MAML3: variants seen among roughly 807,000 people sequenced by gnomAD.
MAML3 encodes the protein mastermind like transcriptional coactivator 3.
MAML3 carries 27 observed loss-of-function variants against 101.9 expected under a neutral mutation model. That is an observed-to-expected ratio of 0.27 (90% CI 0.20 to 0.37). The LOEUF (loss-of-function observed/expected upper bound fraction) is 0.37. Among genes scored for constraint, MAML3 ranks in the 10% least tolerant of loss-of-function variants. The pLI is 1.00. For synonymous variants in MAML3, 501 were observed against 555.9 expected, an observed-to-expected ratio of 0.90 and a Z score of 1.39; for missense variants, 1,316 against 1,444.9, an observed-to-expected ratio of 0.91 and a Z score of 1.45.
chr4:139,987,768 C>G (rs1482675694), intron 1 of MAML3, among the ~76,000 whole-genome samples: 1 of 152,022 alleles, frequency 6.6e-6, no homozygotes, highest in Non-Finnish European at 1.5e-5. Flanking sequence ...ACCTGTAATC[C>G]CAGCACTTTG....
intron 2 of MAML3, among the ~76,000 whole-genome samples, chr4:139,732,095 G>A (rs550228687): frequency 9.2e-5 from 14 of 152,172 alleles, no homozygotes; most frequent in Admixed American, 4.6e-4. Flanking sequence ...ACTATTATGA[G>A]ACCTAAATAG....
intron 1 of MAML3, among the ~76,000 whole-genome samples, chr4:140,031,361 A>C (rs187344354): frequency 9.1e-4 from 138 of 152,330 alleles, no homozygotes; most frequent in African/African-American, 3.2e-3. Flanking sequence ...TTATTATAGA[A>C]AGAATAAATA....
intron 1 of MAML3, among the ~76,000 whole-genome samples, chr4:139,966,331 G>T (rs746108187): frequency 6.6e-6 from 1 of 151,974 alleles, no homozygotes; most frequent in African/African-American, 2.4e-5. Context: ...TGATGAACAC[G>T]TTAGGTTTTA....
At chr4:140,118,594 C>T (rs4527435) in intron 1 of MAML3, among the ~76,000 whole-genome samples, 60,487 of 151,856 alleles carry the variant, frequency 0.4, 12,359 homozygotes, top group East Asian at 0.57. Flanking sequence ...CCTGTAATCC[C>T]AGCACTTTGG....
intron 2 of MAML3, among the ~76,000 whole-genome samples, chr4:139,850,451 T>C (rs1274902544): frequency 1.3e-5 from 2 of 152,212 alleles, no homozygotes; most frequent in Non-Finnish European, 2.9e-5. Context: ...ATAAATTAGA[T>C]GGTTTTGTCC....
intron 1 of MAML3, among the ~76,000 whole-genome samples, chr4:140,130,919 T>C (rs772891420): frequency 1.3e-5 from 2 of 152,006 alleles, no homozygotes; most frequent in Non-Finnish European, 2.9e-5. Flanking sequence ...TGCCACGTCA[T>C]GTATAAGGTG....
intron 1 of MAML3, among the ~76,000 whole-genome samples, chr4:139,917,105 A>C (rs1343125593): frequency 6.6e-6 from 1 of 152,164 alleles, no homozygotes; most frequent in Non-Finnish European, 1.5e-5. Context: ...AGAAGGTCCA[A>C]AGCTTTTCTC....
At chr4:140,073,099 T>C (rs1313140777) in intron 1 of MAML3, among the ~76,000 whole-genome samples, 1 of 151,886 alleles carries the variant, frequency 6.6e-6, no homozygotes, top group Non-Finnish European at 1.5e-5. Context: ...TCAACAAATC[T>C]GCAACCATCT....
intron 1 of MAML3, among the ~76,000 whole-genome samples, chr4:140,139,931 G>A (rs1459428712): frequency 6.6e-6 from 1 of 152,174 alleles, no homozygotes; most frequent in Non-Finnish European, 1.5e-5. Context: ...AAATAAGATG[G>A]CACTCCTCAG....
intron 2 of MAML3, among the ~76,000 whole-genome samples, chr4:139,784,370 G>C (rs377402873): frequency 6.6e-5 from 10 of 152,170 alleles, no homozygotes; most frequent in Non-Finnish European, 7.4e-5. Context: ...CATTCCAAGC[G>C]ATCCTGGCGA....
intron 1 of MAML3, among the ~76,000 whole-genome samples, chr4:139,907,448 A>C (rs1455960485): frequency 6.6e-6 from 1 of 152,240 alleles, no homozygotes; most frequent in East Asian, 1.9e-4. Flanking sequence ...ATTTTACATC[A>C]GAGAACAAGA....
intron 2 of MAML3, among the ~76,000 whole-genome samples, chr4:139,885,873 C>T (rs2111192418): frequency 8.2e-6 from 1 of 121,822 alleles, no homozygotes; most frequent in Non-Finnish European, 1.6e-5. Flanking sequence ...GTGGAGTTTG[C>T]AGTGAGCAGA....
In MAML3 at chr4:139,779,086, C is replaced by A. The variant is rs544416441; in HGVS notation, c.2080-48419G>T. ...ATTGGACAAAAGAGGGTTGGAAGGA[C>A]TCTTGGAATATATGACTGCAAGGTT... On this transcript the variant is annotated intron_variant, in intron 2 of 4. Transcript: ENST00000509479. Among the ~76,000 whole-genome samples, 18 of 152,242 alleles carry A rather than the reference C, an allele frequency of 1.2e-4. No homozygotes were observed. The East Asian group carries it at 3.1e-3, about 26-fold the overall frequency.
chr4:139,864,883 T>C (rs1441626571), intron 2 of MAML3, among the ~76,000 whole-genome samples: 1 of 139,752 alleles, frequency 7.2e-6, no homozygotes. Context: ...AAGTGAAATA[T>C]GGATAAAAAT....
intron 1 of MAML3, among the ~76,000 whole-genome samples, chr4:139,927,955 G>T (rs923679911): frequency 6.6e-6 from 1 of 152,168 alleles, no homozygotes; most frequent in Non-Finnish European, 1.5e-5. Context: ...TGAGCTTATT[G>T]CTACTGGGCT....
intron 1 of MAML3, among the ~76,000 whole-genome samples, chr4:140,146,706 A>T (rs1402337827): frequency 2.0e-5 from 3 of 152,200 alleles, no homozygotes. Flanking sequence ...CTTATTTGGC[A>T]GATACCAATG....
At chr4:139,725,218 G>C (rs1311569659) in intron 4 of MAML3, among the ~76,000 whole-genome samples, 2 of 152,136 alleles carry the variant, frequency 1.3e-5, no homozygotes, top group African/African-American at 4.8e-5. Context: ...CAGCCTCAAG[G>C]CCCTATTTGT....
At chr4:139,916,906 C>T (rs1022417641) in intron 1 of MAML3, among the ~76,000 whole-genome samples, 1 of 152,078 alleles carries the variant, frequency 6.6e-6, no homozygotes, top group Admixed American at 6.6e-5. Flanking sequence ...TTTAACCTCC[C>T]GTACAATACC....
At chr4:139,913,452 T>A (rs1578594116) in intron 1 of MAML3, among the ~76,000 whole-genome samples, 1 of 152,252 alleles carries the variant, frequency 6.6e-6, no homozygotes, top group East Asian at 1.9e-4. Flanking sequence ...TTGTCCTAAG[T>A]GCCAATGATT....
Sources: gnomAD v4.1 joint callset for allele counts (sites outside exome capture counted in the v4.1 genomes callset) on GRCh38, gnomAD v4.1.1 for gene constraint, MANE v1.5 for transcripts, NCBI Gene and HGNC (gene_info 2026-07-23, HGNC 2026-07-21) for gene names.